RANBP3L: variants seen among roughly 807,000 people sequenced by gnomAD.
RANBP3L encodes the protein RAN binding protein 3 like.
A neutral mutation model predicts 67.2 loss-of-function variants in RANBP3L; 56 were observed. The observed-to-expected ratio is 0.83, with a 90% CI of 0.67 to 1.04. The LOEUF (loss-of-function observed/expected upper bound fraction) is 1.04, where lower values mean the gene tolerates loss of function less well. Among genes scored for constraint, RANBP3L ranks in the 50% least tolerant of loss-of-function variants. RANBP3L has a pLI of 0.00. For synonymous variants in RANBP3L, 164 were observed against 181.4 expected, an observed-to-expected ratio of 0.90 and a Z score of 0.77; for missense variants, 496 against 535.5, an observed-to-expected ratio of 0.93 and a Z score of 0.73.
intron 13 of RANBP3L, 122 bp from the exon 14 acceptor site, chr5:36,249,819 C>T (rs1748473574): frequency 4.9e-6 from 2 of 407,396 alleles, no homozygotes; most frequent in South Asian, 8.6e-5. Flanking sequence ...ATAAAAGCTA[C>T]AGAATATACA....
intron 1 of RANBP3L, among the ~76,000 whole-genome samples, chr5:36,292,324 C>T (rs924531742): frequency 1.3e-5 from 2 of 151,748 alleles, no homozygotes; most frequent in African/African-American, 4.8e-5. Context: ...GAGTAGGCTG[C>T]GAAAATTTTC....
intron 1 of RANBP3L, among the ~76,000 whole-genome samples, chr5:36,276,649 G>A (rs938564267): frequency 1.3e-5 from 2 of 151,890 alleles, no homozygotes; most frequent in African/African-American, 4.8e-5. Flanking sequence ...GTTATAAGGT[G>A]TCCCTACCTT....
At chr5:36,300,232 G>T (rs1010498736) in intron 1 of RANBP3L, among the ~76,000 whole-genome samples, 1 of 152,134 alleles carries the variant, frequency 6.6e-6, no homozygotes, top group Non-Finnish European at 1.5e-5. Flanking sequence ...TAGGGTACTT[G>T]GTTCAAAATT....
chr5:36,263,035 G>T (rs1749509837), intron 6 of RANBP3L, among the ~76,000 whole-genome samples: 1 of 151,974 alleles, frequency 6.6e-6, no homozygotes, highest in Non-Finnish European at 1.5e-5. Flanking sequence ...TAAAGATAAT[G>T]GTTCTACAAA....
Position 36,257,085 on chromosome 5 carries a change from G to T in RANBP3L, c.773-14C>A. 6.2e-7 allele frequency: 1 copy of T among 1,600,082 alleles called. No individual in the cohort carries two copies. The highest frequency in any genetic ancestry group is 8.5e-7 in the Non-Finnish European group (1 of 1,174,066). ...TAGAGTCTGTTCCTAAGAGAAAATGGGGAAAAAACACTTAAAAGTCCCCAT... is the reference window on the plus strand; with the variant it reads ...TAGAGTCTGTTCCTAAGAGAAAATGTGGAAAAAACACTTAAAAGTCCCCAT... On this transcript the variant is annotated splice_polypyrimidine_tract_variant and intron_variant, in intron 9 of 13. Coordinates refer to ENST00000296604, the MANE Select transcript of RANBP3L (RefSeq NM_145000.5).
At chr5:36,270,134 C>T (rs1750106696) in intron 2 of RANBP3L, 144 bp from the exon 3 acceptor site, 1 of 716,996 alleles carries the variant, frequency 1.4e-6, no homozygotes, top group African/African-American at 1.8e-5. Flanking sequence ...CAGATTTCCA[C>T]CCTGCCACTT....
rs1748577061 is a variant in RANBP3L at position 36,251,339 on chromosome 5, A to G, written c.1328T>C (p.Phe443Ser). Residue 443 changes from phenylalanine to serine, a missense_variant, in exon 13 of 14, where the codon TTC (phenylalanine) becomes TCC (serine). Phe to Ser is a radical substitution (Grantham distance 155, BLOSUM62 -2). Coordinates refer to ENST00000296604, the MANE Select transcript of RANBP3L (RefSeq NM_145000.5). ...CESCDENEDDFIQVTKNGSDP... is the reference protein window; with the variant it reads ...CESCDENEDDSIQVTKNGSDP... ...TGATCCATTTTTAGTGACTTGGATG[A>G]AATCATCCTCATTCTCATCACAGCT... 1.2e-6 allele frequency: 2 copies of G among 1,612,560 alleles called. No individual in the cohort carries two copies. Among genetic ancestry groups the G allele is most frequent in the Non-Finnish European group, 1.7e-6 (2 of 1,179,256 alleles).
At position 36,251,517 on chromosome 5, in the gene RANBP3L, A is replaced by G; in HGVS notation, c.1168-18T>C. On this transcript the variant is annotated intron_variant, in intron 12 of 13. Coordinates refer to ENST00000296604, the MANE Select transcript of RANBP3L (RefSeq NM_145000.5). Reference sequence around the variant, plus strand: ...GCACTGGCCTGCATGAGGAACATTAAATTGTTAAGAAAATCATTAATATGT... The same window carrying G: ...GCACTGGCCTGCATGAGGAACATTAGATTGTTAAGAAAATCATTAATATGT... 6.4e-7 allele frequency: 1 copy of G among 1,551,958 alleles called. No homozygotes were observed. The highest frequency in any genetic ancestry group is 1.9e-5 in the Admixed American group (1 of 51,858).
chr5:36,279,415 G>C (rs1750821283), intron 1 of RANBP3L, among the ~76,000 whole-genome samples: 1 of 152,120 alleles, frequency 6.6e-6, no homozygotes, highest in African/African-American at 2.4e-5. Context: ...TTTACAGAAG[G>C]AGGTGGTAGG....
intron 1 of RANBP3L, among the ~76,000 whole-genome samples, chr5:36,279,481 T>C (rs553269178): frequency 2.9e-4 from 44 of 152,196 alleles, no homozygotes; most frequent in Non-Finnish European, 5.6e-4. Flanking sequence ...TTTCCTGAGA[T>C]ACTTTGTACC....
At position 36,293,877 on chromosome 5, in the gene RANBP3L, C is replaced by T. The variant is rs981599783; in HGVS notation, c.91+7449G>A. ...CTAAAATTCTCTTTTTTGGTTGTGT[C>T]TCTGCCCGGCTTTGGTATCAGGATG... On this transcript the variant is annotated intron_variant, in intron 1 of 13. Transcript: ENST00000296604. Among the ~76,000 whole-genome samples the T allele has an allele frequency of 8.3e-3, 1,206 of 146,052 alleles. 20 individuals are homozygous for T. Among genetic ancestry groups the T allele is most frequent in the African/African-American group, 0.028 (1,127 of 39,724 alleles).
At chr5:36,265,542 T>A (rs1749702325) in intron 4 of RANBP3L, 22 bp from the exon 5 acceptor site, 2 of 1,413,034 alleles carry the variant, frequency 1.4e-6, no homozygotes, top group Non-Finnish European at 9.9e-7. Context: ...AATATTTAAA[T>A]TTTTTTAAAT....
chr5:36,271,792 A>G (rs911347496), intron 1 of RANBP3L, among the ~76,000 whole-genome samples: 1 of 152,176 alleles, frequency 6.6e-6, no homozygotes, highest in South Asian at 2.1e-4. Context: ...CTAGTCATAC[A>G]CCACACTTTA....
At chr5:36,276,020 C>T (rs1750542386) in intron 1 of RANBP3L, among the ~76,000 whole-genome samples, 1 of 152,140 alleles carries the variant, frequency 6.6e-6, no homozygotes, top group Non-Finnish European at 1.5e-5. Flanking sequence ...GGACAAACCC[C>T]ATGCTGCTTG....
chr5:36,290,419 G>T (rs556028448), intron 1 of RANBP3L, among the ~76,000 whole-genome samples: 132 of 151,840 alleles, frequency 8.7e-4, no homozygotes, highest in African/African-American at 2.9e-3. Context: ...GTTTCACCAT[G>T]TTGGCCAGGC....
At chr5:36,251,562 T>A (rs954024322) in intron 12 of RANBP3L, 63 bp from the exon 13 acceptor site, 2 of 1,338,938 alleles carry the variant, frequency 1.5e-6, no homozygotes, top group Non-Finnish European at 2.1e-6. Flanking sequence ...TTTACAGATT[T>A]TTAATCTTTC....
At chr5:36,273,813 A>G (rs1750392577) in intron 1 of RANBP3L, among the ~76,000 whole-genome samples, 1 of 152,226 alleles carries the variant, frequency 6.6e-6, no homozygotes, top group Non-Finnish European at 1.5e-5. Context: ...ACAATGTACA[A>G]GACATTTTGC....
At chr5:36,253,870 T>C in intron 11 of RANBP3L, 81 bp from the exon 12 acceptor site, 1 of 1,399,028 alleles carries the variant, frequency 7.1e-7, no homozygotes, top group Non-Finnish European at 9.7e-7. Flanking sequence ...AAAATAAATC[T>C]TGTAGTTGTT....
chr5:36,285,780 A>G (rs1348901744), intron 1 of RANBP3L, among the ~76,000 whole-genome samples: 1 of 152,160 alleles, frequency 6.6e-6, no homozygotes, highest in Non-Finnish European at 1.5e-5. Context: ...CTTCTCAATC[A>G]ATATCCGAGC....
Sources: gnomAD v4.1 joint callset for allele counts (sites outside exome capture counted in the v4.1 genomes callset) on GRCh38, gnomAD v4.1.1 for gene constraint, MANE v1.5 for transcripts, NCBI Gene and HGNC (gene_info 2026-07-23, HGNC 2026-07-21) for gene names.